Variants in AGAP1 observed in about 807,000 individuals in gnomAD.
The protein encoded by AGAP1 is ArfGAP with GTPase domain, ankyrin repeat and PH domain 1.
In AGAP1, 29 loss-of-function variants were observed where a neutral mutation model predicts 105.3. That is an observed-to-expected ratio of 0.28 (90% confidence interval 0.21 to 0.38). The LOEUF is 0.38. Ranked by LOEUF, AGAP1 falls within the 10% of genes least tolerant of loss-of-function variation. The pLI, the probability that AGAP1 is intolerant of heterozygous loss-of-function variation, is 1.00. For missense variants in AGAP1, 998 were observed against 1,165.1 expected, an observed-to-expected ratio of 0.86 and a Z score of 2.09; for synonymous variants, 509 against 485.9, an observed-to-expected ratio of 1.05 and a Z score of -0.63.
Position 235,908,706 on chromosome 2 carries a change from T to A in AGAP1, c.1156-32T>A, listed in dbSNP as rs755438391. ...TTGTAAAAGGTCTTTTTTTTTTTTT[T>A]ATCTCTCTTGGATGTTTAACATTTT... On this transcript the variant is annotated intron_variant, in intron 10 of 17. Transcript: ENST00000304032. This position sits in a 1 kb window ranked among gnomAD's most constrained non-coding sequence, Gnocchi z 4.4. 83 of 1,499,386 alleles carry A rather than the reference T, an allele frequency of 5.5e-5. No individual in the cohort carries two copies. Among genetic ancestry groups the A allele is most frequent in the Middle Eastern group, 3.6e-4 (2 of 5,604 alleles). 92.9% of individuals were successfully genotyped at this position (1,499,386 alleles called of 1,614,324 possible).
rs1950178826 is a variant in AGAP1, at chr2:235,700,054, A to G, written c.164-9125A>G. Among the ~76,000 whole-genome samples the G allele has an allele frequency of 6.6e-6, 1 of 152,310 alleles. No individual in the cohort carries two copies. Among genetic ancestry groups the G allele is most frequent in the Admixed American group, 6.5e-5 (1 of 15,302 alleles). ...AGCTGGGGCCAGAAGGCTGTACTGC[A>G]CTGGACCCAAAACCTGCCCTAGGAA... On this transcript the variant is annotated intron_variant, in intron 1 of 17. Coordinates refer to ENST00000304032, the MANE Select transcript of AGAP1 (RefSeq NM_001037131.3). The surrounding 1 kb of genome is among the most constrained non-coding windows in gnomAD (Gnocchi z 6.1).
chr2:235,768,524 G>A (rs967190496), intron 6 of AGAP1, among the ~76,000 whole-genome samples: 17 of 152,228 alleles, frequency 1.1e-4, no homozygotes, highest in African/African-American at 3.9e-4. Context: ...ATTCCCCTTA[G>A]GAGGGTAGCT....
chr2:235,911,218 G>A (rs1179166394), intron 11 of AGAP1, among the ~76,000 whole-genome samples: 1 of 152,066 alleles, frequency 6.6e-6, no homozygotes, highest in African/African-American at 2.4e-5. Context: ...AGTTTCTAAC[G>A]TGTGCCTGAG....
At position 235,732,609 on chromosome 2, in the gene AGAP1, G is replaced by A. The variant is rs776640841; in HGVS notation, c.311-8354G>A. ...TCCTTCCTCTCCCCAAGCCTCTCCC[G>A]CCTTCCCATTTTCCCTGCTGGGGAG... On this transcript the variant is annotated intron_variant, in intron 3 of 17. Transcript: ENST00000304032. This position sits in a 1 kb window ranked among gnomAD's most constrained non-coding sequence, Gnocchi z 4.8. 7.2e-5 allele frequency among the ~76,000 whole-genome samples: 11 copies of A among 151,836 alleles called. No individual in the cohort carries two copies. The highest frequency in any genetic ancestry group is 1.5e-4 in the Non-Finnish European group (10 of 67,964).
intron 9 of AGAP1, among the ~76,000 whole-genome samples, chr2:235,825,031 A>G (rs967867756): frequency 6.6e-6 from 1 of 152,234 alleles, no homozygotes; most frequent in African/African-American, 2.4e-5. Context: ...AAGAATAACC[A>G]TATGAAAGAC....
rs200322179 is a variant in AGAP1 at position 235,906,851 on chromosome 2, G to A, written c.1156-1887G>A. ...TGATAAACCCGTGACTCCTTCACAA[G>A]TGTGGGTGTTGCCCTGCAATTAAAA... is the stretch of plus-strand genomic sequence containing the variant. On this transcript the variant is annotated intron_variant, in intron 10 of 17. Transcript: ENST00000304032. The surrounding 1 kb of genome is among the most constrained non-coding windows in gnomAD (Gnocchi z 5.3). Among the ~76,000 whole-genome samples the A allele has an allele frequency of 2.7e-5, 4 of 150,642 alleles. No homozygotes were observed. The East Asian group carries it at 5.8e-4, about 22-fold the overall frequency.
In AGAP1 at chr2:235,906,105, C is replaced by G. The variant is rs577159806; in HGVS notation, c.1156-2633C>G. On this transcript the variant is annotated intron_variant, in intron 10 of 17. Transcript: ENST00000304032. The surrounding 1 kb of genome is among the most constrained non-coding windows in gnomAD (Gnocchi z 5.3). ...CCAAGGGGGCTGTGGCTGACTCCAG[C>G]CAGCCTGCCCTGAGAGTCAGGCCAT... Among the ~76,000 whole-genome samples, 198 of 152,294 alleles carry G rather than the reference C, an allele frequency of 1.3e-3. No homozygotes were observed. The highest frequency in any genetic ancestry group is 3.9e-3 in the Admixed American group (59 of 15,310).
In AGAP1 at chr2:235,919,259, C is replaced by T. The variant is rs186628640; in HGVS notation, c.1324+10353C>T. On this transcript the variant is annotated intron_variant, in intron 11 of 17. Transcript: ENST00000304032. This position sits in a 1 kb window ranked among gnomAD's most constrained non-coding sequence, Gnocchi z 4.1. ...GGTTCTTCCAGGCTAGAGTTGAGTC[C>T]GTGGCTTCCCTGCTTCCTGCAGTCC... Among the ~76,000 whole-genome samples the T allele has an allele frequency of 1.6e-4, 25 of 152,288 alleles. No individual in the cohort carries two copies. Among genetic ancestry groups the T allele is most frequent in the Admixed American group, 1.3e-3 (20 of 15,290 alleles).
chr2:235,988,242 C>T lies in AGAP1; in HGVS notation c.1645+19619C>T, dbSNP rs2055407191. ...GTTTTTAGTAGAGACAGGGCTTCAC[C>T]CTGTTGGCCAGGCTGGTCTTGAACT... is the stretch of plus-strand genomic sequence containing the variant. On this transcript the variant is annotated intron_variant, in intron 13 of 17. Coordinates refer to ENST00000304032, the MANE Select transcript of AGAP1 (RefSeq NM_001037131.3). The surrounding 1 kb of genome is among the most constrained non-coding windows in gnomAD (Gnocchi z 4.7). Among the ~76,000 whole-genome samples, 2 of 152,110 alleles carry T rather than the reference C, an allele frequency of 1.3e-5. No individual in the cohort carries two copies. The highest frequency in any genetic ancestry group is 2.9e-5 in the Non-Finnish European group (2 of 68,030).
chr2:235,783,629 A>G (rs1956417562), intron 6 of AGAP1, among the ~76,000 whole-genome samples: 1 of 152,222 alleles, frequency 6.6e-6, no homozygotes, highest in Non-Finnish European at 1.5e-5. Flanking sequence ...AGGCACGCAC[A>G]GAAAAGAATG....
Position 236,121,718 on chromosome 2 carries a change from A to G in AGAP1, c.2370+1271A>G, listed in dbSNP as rs984222534. ...ATACATGTGATGTAATGCACATTAA[A>G]TAAGAGTTGTGTGTAGTGTGCTAGG... On this transcript the variant is annotated intron_variant, in intron 17 of 17. Transcript: ENST00000304032. This position sits in a 1 kb window ranked among gnomAD's most constrained non-coding sequence, Gnocchi z 4.9. Among the ~76,000 whole-genome samples, 4 of 152,232 alleles carry G rather than the reference A, an allele frequency of 2.6e-5. No homozygotes were observed. Among genetic ancestry groups the G allele is most frequent in the African/African-American group, 9.6e-5 (4 of 41,464 alleles).
At chr2:235,584,556 T>C (rs947077649) in intron 1 of AGAP1, among the ~76,000 whole-genome samples, 1 of 150,966 alleles carries the variant, frequency 6.6e-6, no homozygotes, top group Non-Finnish European at 1.5e-5. Context: ...AAGGGCCATG[T>C]CACGATGGAG....
At position 235,787,440 on chromosome 2, in the gene AGAP1, T is replaced by C. The variant is rs1956716959; in HGVS notation, c.674-10319T>C. On this transcript the variant is annotated intron_variant, in intron 6 of 17. Transcript: ENST00000304032. The surrounding 1 kb of genome is among the most constrained non-coding windows in gnomAD (Gnocchi z 4.4). ...TGCATCATAGACACACGCCTCTCTTTATAGCACTTTCTATATCCCACATGC... is the reference window on the plus strand; with the variant it reads ...TGCATCATAGACACACGCCTCTCTTCATAGCACTTTCTATATCCCACATGC... Among the ~76,000 whole-genome samples the C allele has an allele frequency of 6.6e-6, 1 of 152,210 alleles. No homozygotes were observed. Among genetic ancestry groups the C allele is most frequent in the South Asian group, 2.1e-4 (1 of 4,832 alleles).
intron 1 of AGAP1, among the ~76,000 whole-genome samples, chr2:235,675,763 T>C (rs553041381): frequency 6.6e-6 from 1 of 152,302 alleles, no homozygotes; most frequent in Non-Finnish European, 1.5e-5. Context: ...ACCTTCTAAG[T>C]CACCGCTGTG....
rs778547805 is a variant in AGAP1, at chr2:236,051,502, G to A, written c.2114+2221G>A. Among the ~76,000 whole-genome samples, 6 of 152,152 alleles carry A rather than the reference G, an allele frequency of 3.9e-5. No individual in the cohort carries two copies. The highest frequency in any genetic ancestry group is 7.3e-5 in the Non-Finnish European group (5 of 68,030). ...CAGGGCCAGGGCCAGGGGACCAGGTGGGAAGGCGGGCTGGAGGGTGGGAGT... is the reference window on the plus strand; with the variant it reads ...CAGGGCCAGGGCCAGGGGACCAGGTAGGAAGGCGGGCTGGAGGGTGGGAGT... On this transcript the variant is annotated intron_variant, in intron 16 of 17. Coordinates refer to ENST00000304032, the MANE Select transcript of AGAP1 (RefSeq NM_001037131.3). This position sits in a 1 kb window ranked among gnomAD's most constrained non-coding sequence, Gnocchi z 5.9.
chr2:235,791,218 T>C (rs961740239), intron 6 of AGAP1, among the ~76,000 whole-genome samples: 21 of 151,200 alleles, frequency 1.4e-4, no homozygotes, highest in African/African-American at 4.6e-4. Context: ...TTCTGAACTA[T>C]ATAGATAATT....
rs2054149383 is a variant in AGAP1, at chr2:235,960,802, CTG to C, written c.1484-7656_1484-7655del. Among the ~76,000 whole-genome samples, 1 of 152,202 alleles carries C rather than the reference CTG, an allele frequency of 6.6e-6. No individual in the cohort carries two copies. Among genetic ancestry groups the C allele is most frequent in the African/African-American group, 2.4e-5 (1 of 41,442 alleles). On this transcript the variant is annotated intron_variant, in intron 12 of 17. Transcript: ENST00000304032. The surrounding 1 kb of genome is among the most constrained non-coding windows in gnomAD (Gnocchi z 4.9). Reference sequence around the variant, plus strand: ...GACACTCAACAGGGAGATGCTTTCTCTGTGTCAATAGACTTCACTCATGGACT... The same window carrying C: ...GACACTCAACAGGGAGATGCTTTCTCTGTCAATAGACTTCACTCATGGACT...
chr2:235,953,353 G>T lies in AGAP1; in HGVS notation c.1484-15109G>T, dbSNP rs1248161405. On this transcript the variant is annotated intron_variant, in intron 12 of 17. Transcript: ENST00000304032. This position sits in a 1 kb window ranked among gnomAD's most constrained non-coding sequence, Gnocchi z 5.2. ...GTTACATGTGATGGCCAAGGGAAAA[G>T]AAAACGTAATTTATCGTTATAAGAT... Among the ~76,000 whole-genome samples the T allele has an allele frequency of 6.6e-6, 1 of 152,152 alleles. No homozygotes were observed. Among genetic ancestry groups the T allele is most frequent in the African/African-American group, 2.4e-5 (1 of 41,444 alleles).
intron 6 of AGAP1, among the ~76,000 whole-genome samples, chr2:235,795,006 T>A (rs2150029347): frequency 6.6e-6 from 1 of 152,340 alleles, no homozygotes; most frequent in Non-Finnish European, 1.5e-5. Context: ...ATGTTAAACC[T>A]ATTAACATTT....
Sources: allele counts gnomAD v4.1 joint callset (sites outside exome capture counted in the v4.1 genomes callset), GRCh38; gene constraint gnomAD v4.1.1; non-coding constraint Gnocchi (gnomAD v3.1); transcripts MANE v1.5; gene names NCBI Gene and HGNC (gene_info 2026-07-23, HGNC 2026-07-21).